CHD8: variants seen among roughly 807,000 people sequenced by gnomAD.
The protein encoded by CHD8 is ATP-dependent chromatin remodeler CHD8.
In CHD8, 31 loss-of-function variants were observed where a neutral mutation model predicts 279.2. The ratio of observed to expected loss-of-function variants is 0.11; its 90% CI spans 0.08 to 0.15. CHD8 has a LOEUF of 0.15. Among genes scored for constraint, CHD8 ranks in the 10% least tolerant of loss-of-function variants. CHD8 has a pLI of 1.00. For missense variants in CHD8, 2,146 were observed against 3,230.5 expected (o/e 0.66, Z 8.14); for synonymous variants, 1,081 against 1,139.6 (o/e 0.95, Z 1.04).
At chr14:21,445,943 T>G (rs1039140425) in intron 1 of CHD8, among the ~76,000 whole-genome samples, 6 of 152,074 alleles carry the variant, frequency 3.9e-5, no homozygotes, top group African/African-American at 1.4e-4. Context: ...AAGGTTGCAG[T>G]GAGCTGAGAT....
intron 1 of CHD8, among the ~76,000 whole-genome samples, chr14:21,455,708 G>A (rs1429455288): frequency 6.8e-6 from 1 of 146,890 alleles, no homozygotes; most frequent in Non-Finnish European, 1.5e-5. Flanking sequence ...TCTGAAGAGA[G>A]GAGAACAAGG....
Position 21,394,084 on chromosome 14 carries a change from G to A in CHD8, c.5711C>T (p.Pro1904Leu), listed in dbSNP as rs750353323. The A allele has an allele frequency of 6.2e-7, 1 of 1,613,912 alleles. No individual in the cohort carries two copies. Among genetic ancestry groups the A allele is most frequent in the Non-Finnish European group, 8.5e-7 (1 of 1,179,858 alleles). The stretch of plus-strand genomic sequence containing the variant: ...CAATGCCAGCCGATCTTCCAAAAGG[G>A]GGTGGCATAAAACTTGTTCCCGTAA... The part of the protein sequence containing the change: ...RRLREQVLCH[P>L]LLEDRLALCQ... Residue 1904 changes from proline to leucine, a missense_variant, in exon 32 of 38, where the codon CCC becomes CTC. Physicochemically the swap from Pro to Leu is moderately conservative, Grantham distance 98. Transcript: ENST00000646647.
chr14:21,428,977 A>G lies in CHD8; in HGVS notation c.1202T>C (p.Val401Ala). 1 of 1,613,940 alleles carries G rather than the reference A, an allele frequency of 6.2e-7. No individual in the cohort carries two copies. Among genetic ancestry groups the G allele is most frequent in the Non-Finnish European group, 8.5e-7 (1 of 1,179,872 alleles). ...TAAGTCTCTCACCTGTGGCTGCAGT[A>G]CCACCTTGACTGGTACTGAAAGTCT... The part of the protein sequence containing the change: ...GQRLSVPVKV[V>A]LQPQAGSSQG... The change falls in exon 3 of 38, where the codon GTA (valine) becomes GCA (alanine). Residue 401 changes from valine to alanine, a missense_variant. Transcript: ENST00000646647.
rs916419217 is a variant in CHD8, at chr14:21,394,082, G to A, written c.5713C>T (p.Leu1905Phe). The A allele has an allele frequency of 1.9e-5, 30 of 1,613,902 alleles. No homozygotes were observed. In the Admixed American group the frequency reaches 4.3e-4, roughly 23 times the overall value. Residue 1905 changes from leucine (L) to phenylalanine (F), a missense_variant, in exon 32 of 38, where the codon CTT (leucine) becomes TTT (phenylalanine). Physicochemically the swap from Leu to Phe is conservative, Grantham distance 22. Around this residue, in one of 26 missense-constraint regions of CHD8, gnomAD observed 513 missense variants for 637.6 expected, o/e 0.80. Coordinates refer to ENST00000646647, the MANE Select transcript of CHD8 (RefSeq NM_001170629.2). ...CACAATGCCAGCCGATCTTCCAAAA[G>A]GGGGTGGCATAAAACTTGTTCCCGT... ...RLREQVLCHP[L>F]LEDRLALCQP...
chr14:21,447,461 T>A (rs1890155306), intron 1 of CHD8, among the ~76,000 whole-genome samples: 2 of 151,040 alleles, frequency 1.3e-5, no homozygotes, highest in Non-Finnish European at 2.9e-5. Flanking sequence ...AACCTCCTCC[T>A]CCAGAGTTCA....
intron 1 of CHD8, among the ~76,000 whole-genome samples, chr14:21,433,039 T>C (rs1288673611): frequency 1.3e-5 from 2 of 152,226 alleles, no homozygotes; most frequent in African/African-American, 4.8e-5. Context: ...CCAGCTCCTC[T>C]TTCTCTGGGA....
intron 5 of CHD8, chr14:21,419,710 G>T: frequency 4.5e-6 from 1 of 224,414 alleles, no homozygotes; most frequent in South Asian, 4.7e-5. Context: ...GCAGCTACAG[G>T]ACAACCCCCC....
intron 21 of CHD8, 119 bp from the exon 22 acceptor site, chr14:21,401,190 T>C (rs542962997): frequency 2.2e-6 from 2 of 918,214 alleles, no homozygotes; most frequent in African/African-American, 3.4e-5. Flanking sequence ...GAGATTTTTT[T>C]AAATGACATG....
intron 33 of CHD8, 50 bp from the exon 34 acceptor site, chr14:21,392,859 G>T: frequency 6.4e-7 from 1 of 1,551,680 alleles, no homozygotes; most frequent in Non-Finnish European, 8.8e-7. Flanking sequence ...AGTACTAGCT[G>T]TGTGATCCTG....
intron 37 of CHD8, 68 bp from the exon 38 acceptor site, chr14:21,386,244 C>G: frequency 7.1e-7 from 1 of 1,416,956 alleles, no homozygotes; most frequent in Non-Finnish European, 9.5e-7. Context: ...CCAAAGCCAA[C>G]AGAGTCCTAG....
chr14:21,424,420 A>G (rs1566440545), intron 5 of CHD8, among the ~76,000 whole-genome samples: 1 of 151,290 alleles, frequency 6.6e-6, no homozygotes, highest in Non-Finnish European at 1.5e-5. Context: ...ATATTCTAAA[A>G]TTTTTTTTTG....
rs1887985170 is a variant in CHD8, at chr14:21,400,583, T to C, written c.4400A>G (p.His1467Arg). The C allele has an allele frequency of 6.3e-7, 1 of 1,582,206 alleles. No individual in the cohort carries two copies. Among genetic ancestry groups the C allele is most frequent in the East Asian group, 2.2e-5 (1 of 44,786 alleles). ...GWGRWRDILS[H>R]GRFKRRMTER... ...AGTCATACGTCGCTTGAAGCGTCCATGAGATAAAATATCTCGCCATCGTCC... is the reference window on the plus strand; with the variant it reads ...AGTCATACGTCGCTTGAAGCGTCCACGAGATAAAATATCTCGCCATCGTCC... The change falls in exon 23 of 38, where the codon CAT (histidine) becomes CGT (arginine). Residue 1467 changes from histidine (H) to arginine (R), a missense_variant. Physicochemically the swap from His to Arg is conservative, Grantham distance 29. Coordinates refer to ENST00000646647, the MANE Select transcript of CHD8 (RefSeq NM_001170629.2). The surrounding 1 kb of genome is among the most constrained non-coding windows in gnomAD (Gnocchi z 4.2).
intron 1 of CHD8, among the ~76,000 whole-genome samples, chr14:21,443,518 G>A (rs961141372): frequency 2.0e-5 from 3 of 152,008 alleles, no homozygotes; most frequent in African/African-American, 4.8e-5. Context: ...TGCAGGGGAA[G>A]AGTGATCAAT....
rs1365609352 is a variant in CHD8 at position 21,430,922 on chromosome 14, G to C, written c.722C>G (p.Pro241Arg). The C allele has an allele frequency of 6.3e-7, 1 of 1,599,496 alleles. No individual in the cohort carries two copies. Among genetic ancestry groups the C allele is most frequent in the East Asian group, 2.2e-5 (1 of 44,880 alleles). The change falls in exon 2 of 38, where the codon CCC becomes CGC. Residue 241 changes from proline (P) to arginine (R), a missense_variant. By Grantham distance (103) the Pro-to-Arg change is moderately radical (BLOSUM62 -2). Coordinates refer to ENST00000646647, the MANE Select transcript of CHD8 (RefSeq NM_001170629.2). ...NQAAVQRIVQPSRPVKQLVLQ... is the reference protein window; with the variant it reads ...NQAAVQRIVQRSRPVKQLVLQ... The stretch of plus-strand genomic sequence containing the variant: ...GACCAGCTGCTTTACTGGTCGGCTG[G>C]GCTGGACAATGCGCTGAACAGCAGC...
Position 21,400,364 on chromosome 14 carries a change from G to C in CHD8, c.4570+49C>G. The C allele has an allele frequency of 6.2e-7, 1 of 1,606,770 alleles. No homozygotes were observed. Among genetic ancestry groups the C allele is most frequent in the Admixed American group, 1.7e-5 (1 of 58,078 alleles). On this transcript the variant is annotated intron_variant, in intron 23 of 37. Transcript: ENST00000646647. The surrounding 1 kb of genome is among the most constrained non-coding windows in gnomAD (Gnocchi z 4.2). Reference sequence around the variant, plus strand: ...TGAGAAAAACCCTTGGACCTGAAAAGGATTAGATTAACCTATAGAAAAACA... The same window carrying C: ...TGAGAAAAACCCTTGGACCTGAAAACGATTAGATTAACCTATAGAAAAACA...
At chr14:21,401,258 C>CT (rs777021049) in intron 21 of CHD8, 145 bp downstream of exon 21, 2 of 742,596 alleles carry the variant, frequency 2.7e-6, no homozygotes, top group Admixed American at 6.3e-5. Flanking sequence ...CTGGGGCCTC[C>CT]TAGGTAGAAA....
intron 5 of CHD8, among the ~76,000 whole-genome samples, chr14:21,418,213 G>A (rs1188152594): frequency 6.6e-6 from 1 of 151,946 alleles, no homozygotes; most frequent in Admixed American, 6.6e-5. Context: ...AGTACATACT[G>A]TATGATACTA....
At position 21,393,959 on chromosome 14, in the gene CHD8, C is replaced by T. The variant is rs1594331081; in HGVS notation, c.5836G>A (p.Asp1946Asn). The T allele has an allele frequency of 1.2e-6, 2 of 1,613,978 alleles. No individual in the cohort carries two copies. Among genetic ancestry groups the T allele is most frequent in the East Asian group, 4.5e-5 (2 of 44,878 alleles). Reference sequence around the variant, plus strand: ...TCTGGGTCCTGCATGATGTTGCAGTCTGTTTGGCTCACCCCATGGCGGGCT... The same window carrying T: ...TCTGGGTCCTGCATGATGTTGCAGTTTGTTTGGCTCACCCCATGGCGGGCT... ...GAARHGVSQT[D>N]CNIMQDPDFS... is the part of the protein sequence containing the mutation. Residue 1946 changes from aspartate to asparagine, a missense_variant, in exon 32 of 38, where the codon GAC becomes AAC. Asp to Asn is a conservative substitution (Grantham distance 23). Around this residue, in one of 26 missense-constraint regions of CHD8, gnomAD observed 513 missense variants for 637.6 expected, o/e 0.80. Coordinates refer to ENST00000646647, the MANE Select transcript of CHD8 (RefSeq NM_001170629.2).
Position 21,431,204 on chromosome 14 carries a change from C to G in CHD8, c.440G>C (p.Ser147Thr). The change falls in exon 2 of 38, where the codon AGT becomes ACT. Residue 147 changes from serine to threonine, a missense_variant. Physicochemically the swap from Ser to Thr is moderately conservative, Grantham distance 58. Coordinates refer to ENST00000646647, the MANE Select transcript of CHD8 (RefSeq NM_001170629.2). ...GVSATAVSSS[S>T]AGGQPPQSAP... ...TGACTGAGGTGGCTGCCCTCCAGCACTACTGGAGGAGACAGCTGTGGCAGA... is the reference window on the plus strand; with the variant it reads ...TGACTGAGGTGGCTGCCCTCCAGCAGTACTGGAGGAGACAGCTGTGGCAGA... 1 of 1,599,124 alleles carries G rather than the reference C, an allele frequency of 6.3e-7. No homozygotes were observed. The highest frequency in any genetic ancestry group is 8.5e-7 in the Non-Finnish European group (1 of 1,179,652).
Sources: allele counts gnomAD v4.1 joint callset (sites outside exome capture counted in the v4.1 genomes callset), GRCh38; gene constraint gnomAD v4.1.1; regional missense constraint gnomAD v4.1.1; non-coding constraint Gnocchi (gnomAD v3.1); transcripts MANE v1.5; gene names NCBI Gene and HGNC (gene_info 2026-07-23, HGNC 2026-07-21).